The following MIGA2 variants were observed in gnomAD, a reference collection of about 807,000 sequenced individuals.
MIGA2 encodes mitoguardin 2.
In MIGA2, 36 loss-of-function variants were observed where a neutral mutation model predicts 69.9. The ratio of observed to expected loss-of-function variants is 0.52; its 90% confidence interval spans 0.39 to 0.68. The LOEUF is 0.68. MIGA2 is among the 30% of genes least tolerant of loss of function. The pLI, the probability that MIGA2 is intolerant of heterozygous loss-of-function variation, is 0.00. For synonymous variants in MIGA2, 333 were observed against 349.2 expected, an observed-to-expected ratio of 0.95 and a Z score of 0.52; for missense variants, 660 against 787.7, an observed-to-expected ratio of 0.84 and a Z score of 1.94.
At chr9:129,063,952 A>C (rs954696173) in intron 11 of MIGA2, among the ~76,000 whole-genome samples, 2 of 152,084 alleles carry the variant, frequency 1.3e-5, no homozygotes, top group Admixed American at 1.3e-4. Flanking sequence ...CTGATGGAGG[A>C]ACACCTGGGC....
At position 129,059,754 on chromosome 9, in the gene MIGA2, A is replaced by G. The variant is rs1845966827; in HGVS notation, c.793+483A>G. Reference sequence around the variant, plus strand: ...AACCAAGTTATTCTGCCAAACAGCCACTGTCCTCTTCGGACCCCTGCAGTG... The same window carrying G: ...AACCAAGTTATTCTGCCAAACAGCCGCTGTCCTCTTCGGACCCCTGCAGTG... On this transcript the variant is annotated intron_variant, in intron 7 of 15. Transcript: ENST00000684074. The surrounding 1 kb of genome is among the most constrained non-coding windows in gnomAD (Gnocchi z 5.6). Among the ~76,000 whole-genome samples the G allele has an allele frequency of 6.6e-6, 1 of 152,094 alleles. No individual in the cohort carries two copies. The highest frequency in any genetic ancestry group is 6.5e-5 in the Admixed American group (1 of 15,268).
Position 129,037,027 on chromosome 9 carries a change from A to G in MIGA2, c.-144+346A>G, listed in dbSNP as rs555200778. ...CCAGAGGGTACCTGGGTGAGTTTCA[A>G]TGATATTCCGGGGTGGGGGCAAGAG... On this transcript the variant is annotated intron_variant, in intron 1 of 15. Coordinates refer to ENST00000684074, the MANE Select transcript of MIGA2 (RefSeq NM_001329990.2). The G allele has an allele frequency of 7.2e-5, 72 of 1,002,566 alleles. 1 individual carries two copies. The highest frequency in any genetic ancestry group is 5.6e-4 in the Middle Eastern group (2 of 3,546). The allele number at this position is 1,002,566 out of a possible 1,614,324, so 62.1% of individuals were successfully genotyped here.
rs566984991 is a variant in MIGA2 at position 129,047,632 on chromosome 9, C to T, written c.308-795C>T. 6.7e-4 allele frequency among the ~76,000 whole-genome samples: 101 copies of T among 151,542 alleles called. 2 individuals carry two copies. In the South Asian group the frequency reaches 0.016, roughly 24 times the overall value. On this transcript the variant is annotated intron_variant, in intron 3 of 15. Transcript: ENST00000684074. ...TTTACCTTGTTGGCCAGGCTGATCTCGAACTCCTGACCTCAAGTGATCCAC... is the reference window on the plus strand; with the variant it reads ...TTTACCTTGTTGGCCAGGCTGATCTTGAACTCCTGACCTCAAGTGATCCAC...
At chr9:129,052,925 A>G (rs1845622884) in intron 6 of MIGA2, among the ~76,000 whole-genome samples, 1 of 152,076 alleles carries the variant, frequency 6.6e-6, no homozygotes, top group South Asian at 2.1e-4. Flanking sequence ...CACCTGTAGG[A>G]GTGTGTTGGT....
rs781543929 is a variant in MIGA2, at chr9:129,068,464, C to T, written c.1404+132C>T. On this transcript the variant is annotated intron_variant, in intron 13 of 15. Coordinates refer to ENST00000684074, the MANE Select transcript of MIGA2 (RefSeq NM_001329990.2). The surrounding 1 kb of genome is among the most constrained non-coding windows in gnomAD (Gnocchi z 4.1). ...ACCCCCTAGATCCGCGGCTGCCAGGCCTGGGAGACCAGAGTCTGCCCTGGA... is the reference window on the plus strand; with the variant it reads ...ACCCCCTAGATCCGCGGCTGCCAGGTCTGGGAGACCAGAGTCTGCCCTGGA... 1.3e-5 allele frequency: 17 copies of T among 1,293,742 alleles called. No individual in the cohort carries two copies. Among genetic ancestry groups the T allele is most frequent in the Non-Finnish European group, 1.8e-5 (17 of 944,222 alleles). 80.1% of individuals were successfully genotyped at this position (1,293,742 alleles called of 1,614,324 possible).
Position 129,040,445 on chromosome 9 carries a change from C to T in MIGA2, c.-143-7C>T. 7.1e-7 allele frequency: 1 copy of T among 1,403,500 alleles called. No homozygotes were observed. Among genetic ancestry groups the T allele is most frequent in the Non-Finnish European group, 9.4e-7 (1 of 1,068,074 alleles). 86.9% of individuals were successfully genotyped at this position (1,403,500 alleles called of 1,614,324 possible). A position where few individuals can be genotyped will look rare whatever the true frequency, so the allele number is the denominator to read the frequency against. ...TCTCTTATCTGACTTGGTCATCTGTCTCTTAGCTCTGTGGAGGGGCCCTCT... is the reference window on the plus strand; with the variant it reads ...TCTCTTATCTGACTTGGTCATCTGTTTCTTAGCTCTGTGGAGGGGCCCTCT... On this transcript the variant is annotated splice_polypyrimidine_tract_variant and splice_region_variant and intron_variant, in intron 1 of 15. Coordinates refer to ENST00000684074, the MANE Select transcript of MIGA2 (RefSeq NM_001329990.2).
intron 2 of MIGA2, among the ~76,000 whole-genome samples, chr9:129,041,758 A>G (rs1049581876): frequency 6.6e-6 from 1 of 152,160 alleles, no homozygotes; most frequent in African/African-American, 2.4e-5. Context: ...GTACAGTCCC[A>G]TCTGAGGGGC....
intron 6 of MIGA2, 74 bp downstream of exon 6, chr9:129,050,037 G>A: frequency 6.5e-7 from 1 of 1,538,194 alleles, no homozygotes; most frequent in East Asian, 2.3e-5. Context: ...GCCACACCTT[G>A]GGAGGCAGGC....
In MIGA2 at chr9:129,060,823, C is replaced by T. The variant is rs550099014; in HGVS notation, c.894+173C>T. On this transcript the variant is annotated intron_variant, in intron 8 of 15. Coordinates refer to ENST00000684074, the MANE Select transcript of MIGA2 (RefSeq NM_001329990.2). This position sits in a 1 kb window ranked among gnomAD's most constrained non-coding sequence, Gnocchi z 4.8. ...TTGGGGATGGGGGGTGCTGAGAAAT[C>T]GGGGGCTGTTGTCCTGTGGGTGAGA... Among the ~76,000 whole-genome samples the T allele has an allele frequency of 2.8e-4, 42 of 152,062 alleles. No individual in the cohort carries two copies. Among genetic ancestry groups the T allele is most frequent in the African/African-American group, 8.4e-4 (35 of 41,468 alleles).
At chr9:129,052,494 T>C (rs946769199) in intron 6 of MIGA2, among the ~76,000 whole-genome samples, 1 of 149,872 alleles carries the variant, frequency 6.7e-6, no homozygotes, top group South Asian at 2.2e-4. Context: ...TAAATTTTTG[T>C]GGCCAGGCAC....
At chr9:129,036,889 G>C in intron 1 of MIGA2, 1 of 974,250 alleles carries the variant, frequency 1.0e-6, no homozygotes, top group Non-Finnish European at 1.2e-6. Context: ...GGTCAGGGAG[G>C]TGATGCCCGG....
chr9:129,043,345 G>T (rs1171962713), intron 3 of MIGA2, among the ~76,000 whole-genome samples: 1 of 151,588 alleles, frequency 6.6e-6, no homozygotes, highest in Non-Finnish European at 1.5e-5. Context: ...TCACTCAGTC[G>T]ATTGCTCACA....
chr9:129,070,559 C>A lies in MIGA2; in HGVS notation c.*106C>A. 1 of 1,260,644 alleles carries A rather than the reference C, an allele frequency of 7.9e-7. No individual in the cohort carries two copies. Among genetic ancestry groups the A allele is most frequent in the Non-Finnish European group, 1.1e-6 (1 of 938,976 alleles). The allele number at this position is 1,260,644 out of a possible 1,614,324, so 78.1% of individuals were successfully genotyped here. A position where few individuals can be genotyped will look rare whatever the true frequency, so the allele number is the denominator to read the frequency against. ...AGGGCCGTTGCCCCTGACTTTGCCC[C>A]ACCCCCATCATCTGGGAGTCCCCAA... is the stretch of plus-strand genomic sequence containing the variant. On this transcript the variant is annotated 3_prime_UTR_variant, in exon 16 of 16. Transcript: ENST00000684074.
chr9:129,070,278 T>G lies in MIGA2; in HGVS notation c.1607T>G (p.Phe536Cys). The G allele has an allele frequency of 6.2e-7, 1 of 1,613,064 alleles. No individual in the cohort carries two copies. The highest frequency in any genetic ancestry group is 8.5e-7 in the Non-Finnish European group (1 of 1,179,988). The change falls in exon 16 of 16, where the codon TTC becomes TGC. Residue 536 changes from phenylalanine to cysteine, a missense_variant. Physicochemically the swap from Phe to Cys is radical, Grantham distance 205 (BLOSUM62 -2). Transcript: ENST00000684074. The part of the protein sequence containing the change: ...HQIVQYLRDM[F>C]DLDNVRYTSL... Reference sequence around the variant, plus strand: ...ATTGTGCAGTACCTGAGGGACATGTTCGACCTGGACAATGTGCGCTACACG... The same window carrying G: ...ATTGTGCAGTACCTGAGGGACATGTGCGACCTGGACAATGTGCGCTACACG...
chr9:129,038,279 T>C (rs2131333394), intron 1 of MIGA2, among the ~76,000 whole-genome samples: 1 of 152,296 alleles, frequency 6.6e-6, no homozygotes, highest in African/African-American at 2.4e-5. Context: ...GGCTCCTCAG[T>C]CCTTCCCACT....
At position 129,040,460 on chromosome 9, in the gene MIGA2, A is replaced by C; in HGVS notation, c.-135A>C. The C allele has an allele frequency of 7.1e-7, 1 of 1,411,148 alleles. No individual in the cohort carries two copies. The highest frequency in any genetic ancestry group is 9.3e-7 in the Non-Finnish European group (1 of 1,071,602). 87.4% of individuals were successfully genotyped at this position (1,411,148 alleles called of 1,614,324 possible). On this transcript the variant is annotated 5_prime_UTR_variant, in exon 2 of 16. Transcript: ENST00000684074. ...GGTCATCTGTCTCTTAGCTCTGTGG[A>C]GGGGCCCTCTGGTATGTGTGTCCCT...
intron 6 of MIGA2, among the ~76,000 whole-genome samples, chr9:129,058,018 C>T (rs1254733388): frequency 6.6e-6 from 1 of 152,092 alleles, no homozygotes; most frequent in African/African-American, 2.4e-5. Flanking sequence ...TAATCGACTA[C>T]ATTCTTATTA....
chr9:129,044,387 C>T lies in MIGA2; in HGVS notation c.307+1873C>T, dbSNP rs140085357. ...CTATCGTTGTATCACTCTCTAAATG[C>T]CCTGTGTCCTTCTGTGTCAGCTCTG... is the stretch of plus-strand genomic sequence containing the variant. On this transcript the variant is annotated intron_variant, in intron 3 of 15. Transcript: ENST00000684074. Among the ~76,000 whole-genome samples the T allele has an allele frequency of 2.1e-3, 325 of 152,092 alleles. 3 individuals carry two copies. Among genetic ancestry groups the T allele is most frequent in the African/African-American group, 7.0e-3 (289 of 41,516 alleles).
At chr9:129,064,304 TCA>T (rs1846223188) in intron 11 of MIGA2, among the ~76,000 whole-genome samples, 1 of 151,996 alleles carries the variant, frequency 6.6e-6, no homozygotes, top group Non-Finnish European at 1.5e-5. Context: ...CCTCCCGGGT[TCA>T]CACCATTCTC....
Sources: gnomAD v4.1 joint callset for allele counts (sites outside exome capture counted in the v4.1 genomes callset) on GRCh38, gnomAD v4.1.1 for gene constraint, Gnocchi (gnomAD v3.1) non-coding constraint, MANE v1.5 for transcripts, NCBI Gene and HGNC (gene_info 2026-07-23, HGNC 2026-07-21) for gene names.